Variants in PCDH11X observed in about 807,000 individuals in gnomAD.
The protein encoded by PCDH11X is protocadherin 11 X-linked.
A neutral mutation model predicts 53.3 loss-of-function variants in PCDH11X; 18 were observed. That is an observed-to-expected ratio of 0.34 (90% CI 0.23 to 0.50). The LOEUF is 0.50. Among genes scored for constraint, PCDH11X ranks in the 20% least tolerant of loss-of-function variants. PCDH11X has a pLI of 0.98. For missense variants in PCDH11X, 570 were observed against 1,032.4 expected (o/e 0.55, Z 6.14); for synonymous variants, 279 against 393.3 (o/e 0.71, Z 3.44).
intron 4 of PCDH11X, among the ~76,000 whole-genome samples, chrX:91,821,081 T>C (rs1176957692): frequency 9.5e-6 from 1 of 105,337 alleles, no homozygotes; most frequent in Non-Finnish European, 1.9e-5. Flanking sequence ...TGTAGCCTTG[T>C]AGTATAGTTT....
chrX:91,975,454 A>G (rs2062033828), intron 6 of PCDH11X, among the ~76,000 whole-genome samples: 1 of 111,009 alleles, frequency 9.0e-6, no homozygotes. Flanking sequence ...AGGAAATTGG[A>G]GTTTGGGAGA....
chrX:92,146,080 A>G (rs904384778), intron 6 of PCDH11X, among the ~76,000 whole-genome samples: 4 of 110,116 alleles, frequency 3.6e-5, no homozygotes, highest in African/African-American at 1.3e-4. Context: ...AACCTAGGAG[A>G]CATTCTATAG....
At chrX:91,962,826 T>C (rs2061808364) in intron 6 of PCDH11X, among the ~76,000 whole-genome samples, 1 of 111,122 alleles carries the variant, frequency 9.0e-6, no homozygotes, top group Non-Finnish European at 1.9e-5. Flanking sequence ...TCTGTGCACC[T>C]GCAGGCCTAA....
rs750843204 is a variant in PCDH11X at position 92,175,785 on chromosome X, TACACACACACACACAC to T, written c.3034-25586_3034-25571del. On this transcript the variant is annotated intron_variant, in intron 6 of 10. Coordinates refer to ENST00000682573, the MANE Select transcript of PCDH11X (RefSeq NM_032968.5). ...GTGTGTGTGTGTGTGTGTATATATATACACACACACACACACACAGAGAGAGAGAGAGACAAAAATA... is the reference window on the plus strand; with the variant it reads ...GTGTGTGTGTGTGTGTGTATATATATACAGAGAGAGAGAGAGACAAAAATA... Among the ~76,000 whole-genome samples the T allele has an allele frequency of 4.8e-5, 4 of 83,814 alleles. No homozygotes were observed. The East Asian group carries it at 1.7e-3, about 36-fold the overall frequency. 72.8% of individuals were successfully genotyped at this position (83,814 alleles called of 115,157 possible).
chrX:92,592,739 A>G (rs773925222), intron 10 of PCDH11X, among the ~76,000 whole-genome samples: 1 of 112,201 alleles, frequency 8.9e-6, no homozygotes, highest in African/African-American at 3.2e-5. Context: ...TCAGAAAACA[A>G]CAACAACAAA....
At chrX:92,074,624 A>G (rs2063748839) in intron 6 of PCDH11X, among the ~76,000 whole-genome samples, 1 of 111,954 alleles carries the variant, frequency 8.9e-6, no homozygotes, top group East Asian at 2.8e-4. Flanking sequence ...GCTTATAGGA[A>G]AATATAGATA....
chrX:92,012,791 C>T (rs1267083518), intron 6 of PCDH11X, among the ~76,000 whole-genome samples: 3 of 110,832 alleles, frequency 2.7e-5, no homozygotes, highest in East Asian at 2.8e-4. Context: ...TGCAATAAAA[C>T]GAATATTCAA....
intron 8 of PCDH11X, among the ~76,000 whole-genome samples, chrX:92,268,803 A>G (rs574532231): frequency 1.3e-4 from 15 of 112,197 alleles, no homozygotes; most frequent in African/African-American, 4.9e-4. Flanking sequence ...TGCTAGTGTC[A>G]TGCTTGTTCA....
At chrX:92,377,884 T>TAA in intron 8 of PCDH11X, among the ~76,000 whole-genome samples, 1 of 104,444 alleles carries the variant, frequency 9.6e-6, no homozygotes, top group African/African-American at 3.4e-5. Context: ...AAATATAAAA[T>TAA]TATATATATA....
intron 10 of PCDH11X, among the ~76,000 whole-genome samples, chrX:92,497,142 G>T: frequency 9.1e-6 from 1 of 110,365 alleles, no homozygotes; most frequent in Non-Finnish European, 1.9e-5. Flanking sequence ...GGAGGAAGTT[G>T]TTGGGTGAAG....
intron 8 of PCDH11X, among the ~76,000 whole-genome samples, chrX:92,384,487 G>A (rs1351258044): frequency 1.8e-5 from 2 of 110,354 alleles, no homozygotes; most frequent in East Asian, 2.8e-4. Flanking sequence ...AGTAATTCAC[G>A]CAGAGTTGGC....
intron 6 of PCDH11X, among the ~76,000 whole-genome samples, chrX:92,048,359 C>A (rs772281004): frequency 9.1e-6 from 1 of 109,955 alleles, no homozygotes; most frequent in Admixed American, 9.8e-5. Flanking sequence ...GACGAAAGAA[C>A]TTCCATTTTG....
intron 9 of PCDH11X, among the ~76,000 whole-genome samples, chrX:92,417,793 C>A (rs1443245792): frequency 1.0e-5 from 1 of 98,333 alleles, no homozygotes; most frequent in Non-Finnish European, 2.0e-5. Flanking sequence ...GCCGTGGTCA[C>A]ACACTTTTGT....
At chrX:92,178,432 C>G (rs2065943891) in intron 6 of PCDH11X, among the ~76,000 whole-genome samples, 1 of 111,847 alleles carries the variant, frequency 8.9e-6, no homozygotes, top group Non-Finnish European at 1.9e-5. Flanking sequence ...TGAGATTATT[C>G]TTTGTTATTT....
At chrX:92,576,445 T>G (rs1456544218) in intron 10 of PCDH11X, among the ~76,000 whole-genome samples, 1 of 94,672 alleles carries the variant, frequency 1.1e-5, no homozygotes, top group Non-Finnish European at 2.1e-5. Context: ...CCTGCTGTTT[T>G]GTTATTAGTT....
intron 6 of PCDH11X, among the ~76,000 whole-genome samples, chrX:92,137,426 C>T (rs2065100844): frequency 9.0e-6 from 1 of 111,064 alleles, no homozygotes; most frequent in Non-Finnish European, 1.9e-5. Context: ...TTAGTTCTAG[C>T]AGGCAATGAA....
intron 6 of PCDH11X, chrX:92,113,664 C>T: frequency 8.3e-7 from 1 of 1,201,555 alleles, no homozygotes; most frequent in Non-Finnish European, 1.1e-6. Flanking sequence ...GGGTTTCATA[C>T]AAGTCACATA....
chrX:92,520,934 G>A (rs776266674), intron 10 of PCDH11X, among the ~76,000 whole-genome samples: 31 of 111,647 alleles, frequency 2.8e-4, no homozygotes, highest in Admixed American at 5.8e-4. Flanking sequence ...TGAGATTGGA[G>A]CAATTCAGTC....
At chrX:92,171,124 G>A (rs1449604184) in intron 6 of PCDH11X, among the ~76,000 whole-genome samples, 5 of 103,167 alleles carry the variant, frequency 4.8e-5, no homozygotes, top group Non-Finnish European at 8.0e-5. Flanking sequence ...ATTTTTAGGG[G>A]TTATTCTTTG....
Sources: gnomAD v4.1 joint callset for allele counts (sites outside exome capture counted in the v4.1 genomes callset) on GRCh38, gnomAD v4.1.1 for gene constraint, MANE v1.5 for transcripts, NCBI Gene and HGNC (gene_info 2026-07-23, HGNC 2026-07-21) for gene names.